The following GFRA1 variants were observed in gnomAD, a reference collection of about 807,000 sequenced individuals.
The protein encoded by GFRA1 is GDNF family receptor alpha 1, also known as GDNF family receptor alpha-1.
Under a neutral mutation model 51.6 loss-of-function variants are expected in GFRA1, and 16 were observed. The ratio of observed to expected loss-of-function variants is 0.31; its 90% CI spans 0.21 to 0.47. The LOEUF (loss-of-function observed/expected upper bound fraction) is 0.47, where lower values mean the gene tolerates loss of function less well. GFRA1 is among the 20% of genes least tolerant of loss of function. The probability of loss-of-function intolerance (pLI) is 1.00; values close to 1 mark genes in which losing one functional copy is unlikely to be tolerated. For missense variants in GFRA1, 530 were observed against 594.3 expected, an observed-to-expected ratio of 0.89 and a Z score of 1.13; for synonymous variants, 270 against 241.3, an observed-to-expected ratio of 1.12 and a Z score of -1.10.
rs1160088690 is a variant in GFRA1, at chr10:116,272,117, C to T, written c.-88G>A. 8.1e-6 allele frequency: 9 copies of T among 1,112,168 alleles called. No homozygotes were observed. The highest frequency in any genetic ancestry group is 7.9e-5 in the Admixed American group (4 of 50,484). The allele number at this position is 1,112,168 out of a possible 1,614,324, so 68.9% of individuals were successfully genotyped here. On this transcript the variant is annotated 5_prime_UTR_variant, in exon 2 of 11. Transcript: ENST00000355422. This position sits in a 1 kb window ranked among gnomAD's most constrained non-coding sequence, Gnocchi z 4.4. ...CCGAGGGAGCTCAGCGTGCAGCGAT[C>T]CCCGGACAGCTGTGCTGCTCTGGCC...
At chr10:116,088,583 C>A (rs547714887) in intron 9 of GFRA1, among the ~76,000 whole-genome samples, 1 of 152,136 alleles carries the variant, frequency 6.6e-6, no homozygotes, top group African/African-American at 2.4e-5. Flanking sequence ...GTGACAGCAT[C>A]TCTCCTGCAG....
At chr10:116,273,661 CTCTCTCTCTG>C (rs879426591), upstream of GFRA1, among the ~76,000 whole-genome samples, 3,197 of 107,838 alleles carry the variant, frequency 0.03, 32 homozygotes, top group Admixed American at 0.036. Context: ...CTCTCTCTCT[CTCTCTCTCTG>C]TCTCTCTCTC....
intron 4 of GFRA1, among the ~76,000 whole-genome samples, chr10:116,230,809 G>A (rs1589892395): frequency 6.6e-6 from 1 of 152,000 alleles, no homozygotes; most frequent in Non-Finnish European, 1.5e-5. Context: ...AACTGTTATG[G>A]AAATAAGTAG....
Position 116,272,053 on chromosome 10 carries a change from C to G in GFRA1, c.-24G>C, listed in dbSNP as rs1376841096. 4 of 1,548,208 alleles carry G rather than the reference C, an allele frequency of 2.6e-6. No homozygotes were observed. Among genetic ancestry groups the G allele is most frequent in the Non-Finnish European group, 3.5e-6 (4 of 1,145,624 alleles). On this transcript the variant is annotated 5_prime_UTR_variant, in exon 2 of 11. Transcript: ENST00000355422. This position sits in a 1 kb window ranked among gnomAD's most constrained non-coding sequence, Gnocchi z 4.4. ...ATGGTGCCGGCGCGGGGCTGGTCCC[C>G]GCCCCCCCAAAAAAATCCCGAGCCG...
intron 9 of GFRA1, among the ~76,000 whole-genome samples, chr10:116,077,624 T>C (rs1340319763): frequency 1.3e-5 from 2 of 152,256 alleles, no homozygotes; most frequent in East Asian, 3.8e-4. Flanking sequence ...CCTTTACTGC[T>C]GATAAAATAA....
At chr10:116,245,273 A>T (rs1024141595) in intron 4 of GFRA1, among the ~76,000 whole-genome samples, 1 of 152,256 alleles carries the variant, frequency 6.6e-6, no homozygotes, top group African/African-American at 2.4e-5. Flanking sequence ...ATCTGAACAG[A>T]CATCTCACCA....
intron 5 of GFRA1, among the ~76,000 whole-genome samples, chr10:116,145,148 C>CAAAAAAAAAAAAAAAAAA (rs58509181): frequency 1.0e-4 from 3 of 28,738 alleles, no homozygotes; most frequent in African/African-American, 4.4e-4. Flanking sequence ...GACTCTGTCT[C>CAAAAAAAAAAAAAAAAAA]AAAAAAAAAA....
At chr10:116,077,283 C>G (rs1955659844) in intron 9 of GFRA1, among the ~76,000 whole-genome samples, 2 of 152,168 alleles carry the variant, frequency 1.3e-5, no homozygotes, top group Non-Finnish European at 2.9e-5. Flanking sequence ...TTTAGAGATA[C>G]AGCACTGTAT....
chr10:116,130,608 T>C (rs1435039937), intron 5 of GFRA1, among the ~76,000 whole-genome samples: 2 of 152,072 alleles, frequency 1.3e-5, no homozygotes, highest in African/African-American at 4.8e-5. Context: ...CCCACACATC[T>C]ACAGTCACTT....
chr10:116,164,706 G>A (rs1460464283), intron 5 of GFRA1, among the ~76,000 whole-genome samples: 1 of 152,130 alleles, frequency 6.6e-6, no homozygotes, highest in East Asian at 1.9e-4. Context: ...AATTCTTACT[G>A]TTAAAGTCAC....
chr10:116,208,293 T>A (rs1964933714), intron 5 of GFRA1, among the ~76,000 whole-genome samples: 1 of 152,026 alleles, frequency 6.6e-6, no homozygotes, highest in Non-Finnish European at 1.5e-5. Context: ...ATTTTCTTCA[T>A]TCATCCCTGT....
chr10:116,234,144 T>TG (rs1259578419), intron 4 of GFRA1, among the ~76,000 whole-genome samples: 1 of 152,218 alleles, frequency 6.6e-6, no homozygotes, highest in Non-Finnish European at 1.5e-5. Flanking sequence ...CAACTGTCTT[T>TG]GTTGTTGTTG....
chr10:116,179,738 G>A (rs576867839), intron 5 of GFRA1, among the ~76,000 whole-genome samples: 1 of 152,296 alleles, frequency 6.6e-6, no homozygotes, highest in East Asian at 1.9e-4. Context: ...CACAAAGACA[G>A]CACTAGGAAA....
chr10:116,205,724 G>A (rs1964696971), intron 5 of GFRA1, among the ~76,000 whole-genome samples: 1 of 151,344 alleles, frequency 6.6e-6, no homozygotes, highest in Non-Finnish European at 1.5e-5. Context: ...TGAAAGACAA[G>A]TTAGCGGTGG....
At position 116,272,107 on chromosome 10, in the gene GFRA1, G is replaced by A. The variant is rs2577360; in HGVS notation, c.-78C>T. On this transcript the variant is annotated 5_prime_UTR_variant, in exon 2 of 11. In the 5' UTR this introduces an upstream ATG that the reference lacks. Coordinates refer to ENST00000355422, the MANE Select transcript of GFRA1 (RefSeq NM_005264.8). This position sits in a 1 kb window ranked among gnomAD's most constrained non-coding sequence, Gnocchi z 4.4. Reference sequence around the variant, plus strand: ...CTGGGTCTTGCCGAGGGAGCTCAGCGTGCAGCGATCCCCGGACAGCTGTGC... The same window carrying A: ...CTGGGTCTTGCCGAGGGAGCTCAGCATGCAGCGATCCCCGGACAGCTGTGC... The A allele has an allele frequency of 0.62, 755,612 of 1,223,792 alleles. 237,510 individuals are homozygous for A. The highest frequency in any genetic ancestry group is 0.65 in the Non-Finnish European group (556,160 of 850,568). The allele number at this position is 1,223,792 out of a possible 1,614,324, so 75.8% of individuals were successfully genotyped here. A position where few individuals can be genotyped will look rare whatever the true frequency, so the allele number is the denominator to read the frequency against.
At chr10:116,136,679 A>G (rs1207359073) in intron 5 of GFRA1, among the ~76,000 whole-genome samples, 1 of 152,228 alleles carries the variant, frequency 6.6e-6, no homozygotes, top group Non-Finnish European at 1.5e-5. Context: ...CTGAGTAGCT[A>G]GTCAACACTT....
chr10:116,232,681 G>A (rs1246478314), intron 4 of GFRA1, among the ~76,000 whole-genome samples: 2 of 152,168 alleles, frequency 1.3e-5, no homozygotes, highest in Non-Finnish European at 2.9e-5. Flanking sequence ...GTTTTCTGAA[G>A]TAGAACATAT....
intron 2 of GFRA1, among the ~76,000 whole-genome samples, chr10:116,271,412 C>CG (rs1238139188): frequency 6.6e-6 from 1 of 152,158 alleles, no homozygotes; most frequent in Non-Finnish European, 1.5e-5. Context: ...CCCTCCGCCC[C>CG]GGGGCATCCT....
chr10:116,152,539 C>T (rs1408217011), intron 5 of GFRA1, among the ~76,000 whole-genome samples: 2 of 152,160 alleles, frequency 1.3e-5, no homozygotes, highest in Non-Finnish European at 2.9e-5. Flanking sequence ...TACTGAGTGA[C>T]AACTCACTCA....
Sources: allele counts gnomAD v4.1 joint callset (sites outside exome capture counted in the v4.1 genomes callset), GRCh38; gene constraint gnomAD v4.1.1; non-coding constraint Gnocchi (gnomAD v3.1); transcripts MANE v1.5; gene names NCBI Gene and HGNC (gene_info 2026-07-23, HGNC 2026-07-21).